The following CUX1 variants were observed in gnomAD, a reference collection of about 807,000 sequenced individuals.
CUX1 encodes the protein protein CASP.
In CUX1, 31 loss-of-function variants were observed where a neutral mutation model predicts 158.8. That is an observed-to-expected ratio of 0.20 (90% CI 0.15 to 0.26). CUX1 has a LOEUF of 0.26. Ranked by LOEUF, CUX1 falls within the 10% of genes least tolerant of loss-of-function variation. The pLI, the probability that CUX1 is intolerant of heterozygous loss-of-function variation, is 1.00. For missense variants in CUX1, 1,589 were observed against 2,014.6 expected (o/e 0.79, Z 4.04); for synonymous variants, 879 against 862.1 (o/e 1.02, Z -0.34).
chr7:102,170,889 G>A (rs888767482), intron 10 of CUX1, among the ~76,000 whole-genome samples: 2 of 151,348 alleles, frequency 1.3e-5, no homozygotes, highest in Non-Finnish European at 2.9e-5. Flanking sequence ...CCCGAACCAG[G>A]AGCCTCTCCA....
intron 3 of CUX1, among the ~76,000 whole-genome samples, chr7:102,064,469 A>G (rs1234575187): frequency 2.0e-5 from 3 of 151,856 alleles, no homozygotes; most frequent in Non-Finnish European, 4.4e-5. Context: ...CTCACCTTAG[A>G]CGTTTGCTCA....
chr7:101,894,251 G>T (rs1260992966), intron 1 of CUX1, among the ~76,000 whole-genome samples: 1 of 152,234 alleles, frequency 6.6e-6, no homozygotes, highest in African/African-American at 2.4e-5. Flanking sequence ...GTTATGCAAG[G>T]TCTGACCAGA....
At chr7:101,985,424 C>G (rs1327232462) in intron 2 of CUX1, among the ~76,000 whole-genome samples, 1 of 152,152 alleles carries the variant, frequency 6.6e-6, no homozygotes, top group African/African-American at 2.4e-5. Flanking sequence ...AGCGTTCTGT[C>G]CACGATCATG....
chr7:102,020,359 A>G (rs10279171), intron 2 of CUX1, among the ~76,000 whole-genome samples: 3 of 152,084 alleles, frequency 2.0e-5, no homozygotes, highest in Non-Finnish European at 4.4e-5. Context: ...CAAAAGAAAC[A>G]TCATTTTTCA....
intron 18 of CUX1, chr7:102,278,195 C>A: frequency 1.8e-6 from 1 of 552,790 alleles, no homozygotes; most frequent in Non-Finnish European, 3.2e-6. Flanking sequence ...ACCCCTGAGG[C>A]CTTCCGACAT....
At chr7:102,223,188 A>G (rs1798010121) in intron 20 of CUX1, among the ~76,000 whole-genome samples, 1 of 151,942 alleles carries the variant, frequency 6.6e-6, no homozygotes. Context: ...TTTGGAGGCC[A>G]GGGTGAGAAG....
intron 2 of CUX1, among the ~76,000 whole-genome samples, chr7:102,000,045 C>T (rs1476056923): frequency 2.0e-5 from 3 of 152,112 alleles, no homozygotes; most frequent in Admixed American, 6.6e-5. Context: ...GGCGAAACCC[C>T]GTCTCTATAA....
At chr7:102,124,803 C>T (rs1203321698) in intron 8 of CUX1, among the ~76,000 whole-genome samples, 1 of 148,352 alleles carries the variant, frequency 6.7e-6, no homozygotes, top group African/African-American at 2.5e-5. Context: ...TTTTTTGAGA[C>T]AGAGTCTCCC....
chr7:102,092,918 A>G, intron 4 of CUX1, among the ~76,000 whole-genome samples: 1 of 92,706 alleles, frequency 1.1e-5, no homozygotes, highest in Non-Finnish European at 2.3e-5. Context: ...GTCTCAAAAA[A>G]AAAAAAAAAA....
chr7:101,965,600 C>T (rs1017853402), intron 2 of CUX1, among the ~76,000 whole-genome samples: 1 of 151,966 alleles, frequency 6.6e-6, no homozygotes, highest in Non-Finnish European at 1.5e-5. Context: ...GTAATCCCAG[C>T]ACTTTGGGAG....
intron 8 of CUX1, among the ~76,000 whole-genome samples, chr7:102,154,699 A>G (rs1044706443): frequency 6.6e-6 from 1 of 152,236 alleles, no homozygotes; most frequent in Non-Finnish European, 1.5e-5. Flanking sequence ...ATAAAGAAAT[A>G]GCAAAATATA....
rs1030089959 is a variant in CUX1 at position 102,254,035 on chromosome 7, G to A, written c.*4993G>A. The A allele has an allele frequency of 1.0e-6, 1 of 985,514 alleles. No homozygotes were observed. The highest frequency in any genetic ancestry group is 1.7e-5 in the African/African-American group (1 of 57,362). 61.0% of individuals were successfully genotyped at this position (985,514 alleles called of 1,614,324 possible). On this transcript the variant is annotated 3_prime_UTR_variant, in exon 24 of 24. Coordinates refer to ENST00000292535, the MANE Select transcript of CUX1 (RefSeq NM_181552.4). ...GAGCAGAAAAGCTGCCAGCGCAGCAGACACGAACATCCCTCTGCCTGGTGG... is the reference window on the plus strand; with the variant it reads ...GAGCAGAAAAGCTGCCAGCGCAGCAAACACGAACATCCCTCTGCCTGGTGG...
At chr7:101,968,267 G>A (rs1036184681) in intron 2 of CUX1, among the ~76,000 whole-genome samples, 6 of 152,072 alleles carry the variant, frequency 3.9e-5, no homozygotes, top group Non-Finnish European at 7.4e-5. Context: ...GGGGTGGGAG[G>A]GAGTTCCTAT....
intron 2 of CUX1, among the ~76,000 whole-genome samples, chr7:102,017,858 T>G (rs1003350628): frequency 2.6e-5 from 4 of 152,156 alleles, no homozygotes; most frequent in African/African-American, 7.2e-5. Flanking sequence ...GAAAAACATG[T>G]GGTTCCTCTC....
At chr7:102,026,389 A>G (rs1277142445) in intron 2 of CUX1, among the ~76,000 whole-genome samples, 3 of 152,212 alleles carry the variant, frequency 2.0e-5, no homozygotes, top group Non-Finnish European at 4.4e-5. Context: ...ATATGGCTGT[A>G]TGTGTTGAAT....
chr7:101,831,295 C>CT (rs985969932), intron 1 of CUX1, among the ~76,000 whole-genome samples: 80 of 145,450 alleles, frequency 5.5e-4, no homozygotes, highest in South Asian at 3.7e-3. Flanking sequence ...AACTGACATT[C>CT]TTTTTTTTTT....
chr7:102,203,292 C>T (rs893803495), intron 18 of CUX1, among the ~76,000 whole-genome samples: 2 of 152,174 alleles, frequency 1.3e-5, no homozygotes, highest in South Asian at 2.1e-4. Context: ...CCCTAAAAGG[C>T]ACCTTCCTGA....
At chr7:102,065,910 C>A (rs1393155806) in intron 3 of CUX1, among the ~76,000 whole-genome samples, 5 of 152,096 alleles carry the variant, frequency 3.3e-5, no homozygotes, top group African/African-American at 9.6e-5. Flanking sequence ...CCTGTCTCAG[C>A]CTCCTGAGTA....
In CUX1 at chr7:102,060,277, C is replaced by CAAAA. The variant is rs542920533; in HGVS notation, c.190-10053_190-10050dup. 7.1e-4 allele frequency among the ~76,000 whole-genome samples: 101 copies of CAAAA among 142,562 alleles called. 1 individual carries two copies. Among genetic ancestry groups the CAAAA allele is most frequent in the African/African-American group, 2.6e-3 (101 of 38,708 alleles). 93.5% of individuals were successfully genotyped at this position (142,562 alleles called of 152,430 possible). ...TGGGAGACAGAGCGAGACTCTGTCT[C>CAAAA]AAAAAAAAAAAATGTTGCTTAGGGT... On this transcript the variant is annotated intron_variant, in intron 3 of 23. Coordinates refer to ENST00000292535, the MANE Select transcript of CUX1 (RefSeq NM_181552.4).
Sources: gnomAD v4.1 joint callset for allele counts (sites outside exome capture counted in the v4.1 genomes callset) on GRCh38, gnomAD v4.1.1 for gene constraint, MANE v1.5 for transcripts, NCBI Gene and HGNC (gene_info 2026-07-23, HGNC 2026-07-21) for gene names.